Variants in FOXP2 observed in about 807,000 individuals in gnomAD.
FOXP2 encodes the protein forkhead box protein P2.
In FOXP2, 12 loss-of-function variants were observed where a neutral mutation model predicts 115.8. The ratio of observed to expected loss-of-function variants is 0.10; its 90% CI spans 0.07 to 0.17. FOXP2 has a LOEUF of 0.17. Among genes scored for constraint, FOXP2 ranks in the 10% least tolerant of loss-of-function variants. The probability of loss-of-function intolerance (pLI) is 1.00; values close to 1 mark genes in which losing one functional copy is unlikely to be tolerated. For synonymous variants in FOXP2, 328 were observed against 297.7 expected (o/e 1.10, Z -1.05); for missense variants, 629 against 843.5 (o/e 0.75, Z 3.15).
At chr7:114,283,839 G>A (rs1158404544) in intron 1 of FOXP2, among the ~76,000 whole-genome samples, 4 of 151,908 alleles carry the variant, frequency 2.6e-5, no homozygotes, top group South Asian at 2.1e-4. Context: ...GCTCACACCC[G>A]GAGTCCCAGC....
chr7:114,191,806 T>G lies in FOXP2; in HGVS notation c.-102+28718T>G, dbSNP rs927054157. Among the ~76,000 whole-genome samples, 3 of 152,300 alleles carry G rather than the reference T, an allele frequency of 2.0e-5. 1 individual carries two copies. Among genetic ancestry groups the G allele is most frequent in the Admixed American group, 2.0e-4 (3 of 15,288 alleles). On this transcript the variant is annotated intron_variant, in intron 1 of 17. Transcript: ENST00000634411. ...AATCCAGAGATCACATTAGTGTTCA[T>G]TTTTTGTGTTGTTTTTTTCCGCGGG...
intron 2 of FOXP2, among the ~76,000 whole-genome samples, chr7:114,294,868 A>G (rs1173539511): frequency 6.7e-6 from 1 of 150,356 alleles, no homozygotes; most frequent in Non-Finnish European, 1.5e-5. Flanking sequence ...AAATAAATAC[A>G]TACATACATA....
intron 1 of FOXP2, among the ~76,000 whole-genome samples, chr7:114,123,100 C>T (rs991879196): frequency 6.6e-6 from 1 of 151,768 alleles, no homozygotes; most frequent in African/African-American, 2.4e-5. Context: ...CCTATATTCC[C>T]AGCACTTGGG....
chr7:114,563,594 A>G (rs994493669), intron 3 of FOXP2, among the ~76,000 whole-genome samples: 10 of 151,784 alleles, frequency 6.6e-5, no homozygotes, highest in Non-Finnish European at 1.2e-4. Context: ...GCTGAGAACT[A>G]CTCCTTTAGA....
chr7:114,622,315 T>C (rs1359661259), intron 3 of FOXP2, among the ~76,000 whole-genome samples: 1 of 151,962 alleles, frequency 6.6e-6, no homozygotes, highest in Non-Finnish European at 1.5e-5. Context: ...AGTTGCTGTA[T>C]CTACAGGAAT....
chr7:114,284,502 T>G (rs1367756159), intron 1 of FOXP2, among the ~76,000 whole-genome samples: 1 of 152,184 alleles, frequency 6.6e-6, no homozygotes, highest in Non-Finnish European at 1.5e-5. Context: ...GTTTCTAAAA[T>G]AAGAGTTTTC....
intron 3 of FOXP2, among the ~76,000 whole-genome samples, chr7:114,573,227 A>G (rs1413634410): frequency 2.0e-5 from 3 of 151,848 alleles, no homozygotes; most frequent in Non-Finnish European, 4.4e-5. Flanking sequence ...TTTAAGTAAT[A>G]TTAACTGCTT....
intron 2 of FOXP2, among the ~76,000 whole-genome samples, chr7:114,375,052 G>T (rs1454588767): frequency 1.3e-5 from 2 of 151,988 alleles, no homozygotes; most frequent in Non-Finnish European, 2.9e-5. Flanking sequence ...TATATTTTAT[G>T]CTTTAGTGGA....
At chr7:114,659,809 T>C in intron 13 of FOXP2, 136 bp downstream of exon 13, 1 of 729,358 alleles carries the variant, frequency 1.4e-6, no homozygotes, top group South Asian at 1.5e-5. Context: ...ATGGAATGAA[T>C]TCCCTCTCTC....
At chr7:114,653,740 C>G (rs1195642491) in intron 9 of FOXP2, among the ~76,000 whole-genome samples, 186 bp from the exon 10 acceptor site, 2 of 152,080 alleles carry the variant, frequency 1.3e-5, no homozygotes, top group South Asian at 4.1e-4. Context: ...ATAAGAAAAG[C>G]TATAAAAGTT....
intron 2 of FOXP2, among the ~76,000 whole-genome samples, chr7:114,386,120 C>T (rs898838548): frequency 5.9e-5 from 9 of 152,162 alleles, no homozygotes; most frequent in Non-Finnish European, 1.0e-4. Context: ...GACACCCTGC[C>T]GGATCCAGAG....
intron 3 of FOXP2, among the ~76,000 whole-genome samples, chr7:114,603,381 C>T (rs1803136761): frequency 6.6e-6 from 1 of 152,202 alleles, no homozygotes; most frequent in Non-Finnish European, 1.5e-5. Context: ...TAAGGGAATT[C>T]ATGAAAACCT....
chr7:114,492,043 G>T (rs1396114857), intron 2 of FOXP2, among the ~76,000 whole-genome samples: 1 of 152,098 alleles, frequency 6.6e-6, no homozygotes, highest in Non-Finnish European at 1.5e-5. Flanking sequence ...TCTGGTCCTG[G>T]ACTTTTTTTG....
At chr7:114,221,868 A>G (rs1794631188) in intron 1 of FOXP2, among the ~76,000 whole-genome samples, 1 of 152,058 alleles carries the variant, frequency 6.6e-6, no homozygotes, top group Non-Finnish European at 1.5e-5. Flanking sequence ...AGCTGTTTTC[A>G]AGGCTTGTTG....
In FOXP2 at chr7:114,441,690, C is replaced by G. The variant is rs574771566; in HGVS notation, c.168+15011C>G. Among the ~76,000 whole-genome samples the G allele has an allele frequency of 8.6e-4, 130 of 151,984 alleles. No homozygotes were observed. In the Middle Eastern group the frequency reaches 0.02, roughly 24 times the overall value. ...TGAGACAACCCAATTTAAAATAAGCCAAGTATTTGAATGGATATTTTACCA... is the reference window on the plus strand; with the variant it reads ...TGAGACAACCCAATTTAAAATAAGCGAAGTATTTGAATGGATATTTTACCA... On this transcript the variant is annotated intron_variant, in intron 2 of 16. Coordinates refer to ENST00000350908, the MANE Select transcript of FOXP2 (RefSeq NM_014491.4).
chr7:114,101,899 T>TTGTGTGTG lies in FOXP2; in HGVS notation c.-247+14095_-247+14102dup, dbSNP rs5886693. On this transcript the variant is annotated intron_variant, in intron 1 of 19. Transcript: ENST00000635638. ...TGATTTTCCATTTCGCTTCAACATT[T>TTGTGTGTG]TGTGTGTGTGTGTGTGTGTGTGTGT... Among the ~76,000 whole-genome samples, 800 of 142,496 alleles carry TTGTGTGTG rather than the reference T, an allele frequency of 5.6e-3. 6 individuals carry two copies. The highest frequency in any genetic ancestry group is 0.016 in the South Asian group (68 of 4,350). 93.5% of individuals were successfully genotyped at this position (142,496 alleles called of 152,430 possible).
intron 3 of FOXP2, among the ~76,000 whole-genome samples, chr7:114,568,001 AGATT>A (rs552656510): frequency 6.6e-6 from 1 of 152,144 alleles, no homozygotes; most frequent in Non-Finnish European, 1.5e-5. Flanking sequence ...GCCTTTCAAT[AGATT>A]ATTTTACTTC....
chr7:114,230,913 A>C lies in FOXP2; in HGVS notation c.-101-57106A>C, dbSNP rs113099404. ...ATAAAAGGCATACATAATGGAAAGA[A>C]AGAAGTAAAATTATCTCTGCTAGCA... On this transcript the variant is annotated intron_variant, in intron 1 of 17. Transcript: ENST00000634411. Among the ~76,000 whole-genome samples the C allele has an allele frequency of 3.6e-3, 552 of 151,890 alleles. 5 individuals are homozygous for C. The highest frequency in any genetic ancestry group is 0.013 in the African/African-American group (526 of 41,502).
chr7:114,114,285 A>G (rs1430864687), intron 1 of FOXP2, among the ~76,000 whole-genome samples: 1 of 150,976 alleles, frequency 6.6e-6, no homozygotes, highest in Non-Finnish European at 1.5e-5. Flanking sequence ...ACACATATAT[A>G]TAAATATATA....
Sources: allele counts gnomAD v4.1 joint callset (sites outside exome capture counted in the v4.1 genomes callset), GRCh38; gene constraint gnomAD v4.1.1; transcripts MANE v1.5; gene names NCBI Gene and HGNC (gene_info 2026-07-23, HGNC 2026-07-21).